Variants in HNF4G observed in about 807,000 individuals in gnomAD.
HNF4G encodes hepatocyte nuclear factor 4-gamma.
Under a neutral mutation model 50.9 loss-of-function variants are expected in HNF4G, and 21 were observed. The ratio of observed to expected loss-of-function variants is 0.41; its 90% confidence interval spans 0.29 to 0.59. HNF4G has a LOEUF of 0.59. Ranked by LOEUF, HNF4G falls within the 20% of genes least tolerant of loss-of-function variation. The probability of loss-of-function intolerance (pLI) is 0.26; values close to 1 mark genes in which losing one functional copy is unlikely to be tolerated. For missense variants in HNF4G, 527 were observed against 559.4 expected (o/e 0.94, Z 0.58); for synonymous variants, 198 against 185.6 (o/e 1.07, Z -0.54).
chr8:75,514,934 A>G (rs1287624940), intron 2 of HNF4G, among the ~76,000 whole-genome samples: 1 of 152,128 alleles, frequency 6.6e-6, no homozygotes, highest in African/African-American at 2.4e-5. Flanking sequence ...ACTATAATGT[A>G]ACTTGCTTAT....
At chr8:75,430,829 A>G (rs1215178031) in intron 1 of HNF4G, among the ~76,000 whole-genome samples, 2 of 152,206 alleles carry the variant, frequency 1.3e-5, no homozygotes, top group Non-Finnish European at 2.9e-5. Flanking sequence ...TAATCACTAA[A>G]TACAAACAGA....
At chr8:75,462,970 T>A (rs1313489520) in intron 1 of HNF4G, among the ~76,000 whole-genome samples, 1 of 152,056 alleles carries the variant, frequency 6.6e-6, no homozygotes, top group African/African-American at 2.4e-5. Flanking sequence ...ATATTAAACA[T>A]TTTGTGGGCC....
At chr8:75,464,238 T>TA (rs1351216317) in intron 1 of HNF4G, among the ~76,000 whole-genome samples, 2 of 38,112 alleles carry the variant, frequency 5.2e-5, no homozygotes, top group African/African-American at 5.5e-4. Context: ...ATTCTCTCTC[T>TA]TTTTTTTTTA....
chr8:75,489,195 G>A (rs541671420), intron 1 of HNF4G, among the ~76,000 whole-genome samples: 1 of 152,278 alleles, frequency 6.6e-6, no homozygotes, highest in Non-Finnish European at 1.5e-5. Context: ...AATTTTACCT[G>A]AGTGCTTCTA....
At chr8:75,424,213 T>G (rs1443499200) in intron 1 of HNF4G, among the ~76,000 whole-genome samples, 5 of 152,198 alleles carry the variant, frequency 3.3e-5, no homozygotes. Flanking sequence ...TTTACATTGA[T>G]TATTGAATTA....
chr8:75,426,055 T>A (rs1037438402), intron 1 of HNF4G, among the ~76,000 whole-genome samples: 3 of 152,214 alleles, frequency 2.0e-5, no homozygotes, highest in Admixed American at 6.5e-5. Context: ...AGGAGATAGA[T>A]CAAATAATTT....
In HNF4G at chr8:75,419,909, A is replaced by G. The variant is rs530278145; in HGVS notation, c.-144+11747A>G. Among the ~76,000 whole-genome samples, 5 of 152,324 alleles carry G rather than the reference A, an allele frequency of 3.3e-5. No individual in the cohort carries two copies. In the East Asian group the frequency reaches 9.6e-4, roughly 29 times the overall value. On this transcript the variant is annotated intron_variant, in intron 1 of 10. Transcript: ENST00000354370. ...TTGCACATCTCTAATATGGGATACT[A>G]CCACTTAACTTTCATAGGATTCCTG...
At chr8:75,482,030 A>T (rs1010660952) in intron 1 of HNF4G, among the ~76,000 whole-genome samples, 2 of 152,198 alleles carry the variant, frequency 1.3e-5, no homozygotes, top group African/African-American at 2.4e-5. Context: ...TGAAGTTTTT[A>T]AAAATCTAGT....
At chr8:75,546,630 G>A (rs1401588235) in intron 2 of HNF4G, among the ~76,000 whole-genome samples, 1 of 151,944 alleles carries the variant, frequency 6.6e-6, no homozygotes, top group East Asian at 1.9e-4. Context: ...GATCTCTTGT[G>A]ACTTACTTCT....
intron 2 of HNF4G, among the ~76,000 whole-genome samples, chr8:75,492,663 G>C (rs1044099367): frequency 7.2e-5 from 11 of 152,106 alleles, no homozygotes; most frequent in Non-Finnish European, 1.3e-4. Flanking sequence ...AAGAACCAAA[G>C]CCTAGAGGGG....
At chr8:75,539,530 T>A (rs989021952), upstream of HNF4G, among the ~76,000 whole-genome samples, 1 of 152,154 alleles carries the variant, frequency 6.6e-6, no homozygotes, top group African/African-American at 2.4e-5. Flanking sequence ...GTAAAGTAAG[T>A]CCCATTTTTC....
intron 2 of HNF4G, among the ~76,000 whole-genome samples, chr8:75,511,165 A>G (rs1490010311): frequency 6.6e-6 from 1 of 152,134 alleles, no homozygotes; most frequent in African/African-American, 2.4e-5. Context: ...TAATCTACAT[A>G]TGATTGTATT....
At chr8:75,542,535 GAAAAAAA>G (rs71567128) in intron 1 of HNF4G, among the ~76,000 whole-genome samples, 1 of 80,528 alleles carries the variant, frequency 1.2e-5, no homozygotes, top group Non-Finnish European at 2.5e-5. Context: ...CAATGACGAC[GAAAAAAA>G]AAAAAAAAAA....
chr8:75,479,983 C>CT (rs34251311), intron 1 of HNF4G, among the ~76,000 whole-genome samples: 399 of 148,424 alleles, frequency 2.7e-3, no homozygotes, highest in Middle Eastern at 7.1e-3. Context: ...ACAACCTTAA[C>CT]TTTTTTTTTT....
At chr8:75,469,676 T>C (rs1812069716) in intron 1 of HNF4G, among the ~76,000 whole-genome samples, 1 of 152,130 alleles carries the variant, frequency 6.6e-6, no homozygotes, top group South Asian at 2.1e-4. Context: ...CAGGCACCCA[T>C]AATTTTATTA....
chr8:75,523,752 A>G (rs1306872242), intron 2 of HNF4G, among the ~76,000 whole-genome samples: 1 of 151,940 alleles, frequency 6.6e-6, no homozygotes, highest in East Asian at 1.9e-4. Context: ...AATACTAAAT[A>G]GAGTATTAAA....
chr8:75,494,300 GCA>G (rs755362411), intron 2 of HNF4G, among the ~76,000 whole-genome samples: 17,926 of 76,562 alleles, frequency 0.23, 1,432 homozygotes, highest in South Asian at 0.32. Context: ...CTCCCATACA[GCA>G]CACACACACA....
chr8:75,497,072 TG>T (rs33963025), intron 2 of HNF4G, among the ~76,000 whole-genome samples: 42,629 of 151,904 alleles, frequency 0.28, 7,462 homozygotes, highest in African/African-American at 0.5. Flanking sequence ...CTAGCTTTGA[TG>T]GGGGTATATA....
intron 2 of HNF4G, among the ~76,000 whole-genome samples, chr8:75,495,894 A>AT (rs1181361223): frequency 6.6e-6 from 1 of 152,128 alleles, no homozygotes; most frequent in Admixed American, 6.5e-5. Context: ...CCTTACCTTA[A>AT]TAAAGAAATG....
Sources: gnomAD v4.1 joint callset for allele counts (sites outside exome capture counted in the v4.1 genomes callset) on GRCh38, gnomAD v4.1.1 for gene constraint, MANE v1.5 for transcripts, NCBI Gene and HGNC (gene_info 2026-07-23, HGNC 2026-07-21) for gene names.